KCNJ15: variants seen among roughly 807,000 people sequenced by gnomAD.
KCNJ15 encodes ATP-sensitive inward rectifier potassium channel 15.
Under a neutral mutation model 23.0 loss-of-function variants are expected in KCNJ15, and 14 were observed. The observed-to-expected ratio is 0.61, with a 90% confidence interval of 0.40 to 0.95. The LOEUF (loss-of-function observed/expected upper bound fraction) is 0.95. KCNJ15 is among the 40% of genes least tolerant of loss of function. KCNJ15 has a pLI of 0.00. For synonymous variants in KCNJ15, 185 were observed against 183.2 expected (o/e 1.01, Z -0.08); for missense variants, 388 against 461.8 (o/e 0.84, Z 1.46).
chr21:38,278,952 CTA>C (rs566131105), intron 1 of KCNJ15, among the ~76,000 whole-genome samples: 8 of 152,100 alleles, frequency 5.3e-5, no homozygotes, highest in Non-Finnish European at 1.0e-4. Context: ...ATGAAGGATG[CTA>C]TAGAGAGAGG....
At chr21:38,241,237 C>T (rs1978972321) in intron 1 of KCNJ15, among the ~76,000 whole-genome samples, 2 of 152,190 alleles carry the variant, frequency 1.3e-5, no homozygotes, top group African/African-American at 2.4e-5. Flanking sequence ...GTCTGGTTTG[C>T]GCTTTGGTAA....
chr21:38,261,961 A>G (rs556942070), intron 1 of KCNJ15, among the ~76,000 whole-genome samples: 2 of 152,272 alleles, frequency 1.3e-5, no homozygotes, highest in South Asian at 4.1e-4. Flanking sequence ...TAATTGTGTC[A>G]TTTCTTGGTA....
At chr21:38,259,808 G>C (rs1025459212) in intron 1 of KCNJ15, among the ~76,000 whole-genome samples, 3 of 152,152 alleles carry the variant, frequency 2.0e-5, no homozygotes, top group Non-Finnish European at 4.4e-5. Context: ...TGCCCCTCAA[G>C]GATGCAGTGC....
At chr21:38,295,116 T>C (rs1050210212) in intron 1 of KCNJ15, among the ~76,000 whole-genome samples, 2 of 152,372 alleles carry the variant, frequency 1.3e-5, no homozygotes, top group East Asian at 3.9e-4. Context: ...CTGCAATATT[T>C]ACCTGGAGAT....
upstream of KCNJ15, among the ~76,000 whole-genome samples, chr21:38,256,426 A>G (rs1045024428): frequency 6.7e-6 from 1 of 148,788 alleles, no homozygotes; most frequent in African/African-American, 2.5e-5. Flanking sequence ...TCAGCTCAAT[A>G]AAGGGGTTGA....
intron 1 of KCNJ15, among the ~76,000 whole-genome samples, chr21:38,250,485 G>C (rs1278184508): frequency 1.3e-5 from 2 of 152,142 alleles, no homozygotes; most frequent in African/African-American, 4.8e-5. Context: ...AACTAAACTT[G>C]GAAAAGGGTG....
intron 1 of KCNJ15, among the ~76,000 whole-genome samples, chr21:38,270,375 C>G (rs1981950436): frequency 6.6e-6 from 1 of 152,132 alleles, no homozygotes; most frequent in Non-Finnish European, 1.5e-5. Context: ...GCATGCAGCT[C>G]AGCATTTGTA....
In KCNJ15 at chr21:38,303,159, T is replaced by G. The variant is rs888775391; in HGVS notation, c.*2770T>G. ...CTTACCATTTTCCTGGAACCTTAAC[T>G]ATTATTACTTTGTACGTAATACTTT... On this transcript the variant is annotated 3_prime_UTR_variant, in exon 3 of 3. Coordinates refer to ENST00000398938, the MANE Select transcript of KCNJ15 (RefSeq NM_170736.3). 2.0e-5 allele frequency: 3 copies of G among 151,956 alleles called. No homozygotes were observed. Among genetic ancestry groups the G allele is most frequent in the African/African-American group, 7.2e-5 (3 of 41,394 alleles). 9.4% of individuals were successfully genotyped at this position (151,956 alleles called of 1,614,324 possible). A position where few individuals can be genotyped will look rare whatever the true frequency, so the allele number is the denominator to read the frequency against.
At chr21:38,241,248 G>C (rs111849213) in intron 1 of KCNJ15, among the ~76,000 whole-genome samples, 112 of 152,314 alleles carry the variant, frequency 7.4e-4, no homozygotes, top group African/African-American at 2.5e-3. Context: ...GCTTTGGTAA[G>C]ATTTTTCTTT....
At chr21:38,288,133 C>T (rs532042484) in intron 1 of KCNJ15, among the ~76,000 whole-genome samples, 26 of 146,168 alleles carry the variant, frequency 1.8e-4, no homozygotes, top group South Asian at 6.6e-4. Context: ...CTCCACTTCC[C>T]GGGTTCACGC....
Position 38,288,026 on chromosome 21 carries a change from CTTTGTTTTTTTTTTT to C in KCNJ15, c.-116-8896_-116-8882del, listed in dbSNP as rs1371273606. On this transcript the variant is annotated intron_variant, in intron 1 of 2. Transcript: ENST00000398938. ...CCATTGTTAAATAACTTGTTTTTTTCTTTGTTTTTTTTTTTTTTTTTTTTTTTTTTTTGAGATGGA... is the reference window on the plus strand; with the variant it reads ...CCATTGTTAAATAACTTGTTTTTTTCTTTTTTTTTTTTTTTTTGAGATGGA... Among the ~76,000 whole-genome samples, 7 of 78,206 alleles carry C rather than the reference CTTTGTTTTTTTTTTT, an allele frequency of 9.0e-5. 2 individuals carry two copies. The highest frequency in any genetic ancestry group is 0.023 in the Middle Eastern group (2 of 88). The allele number at this position is 78,206 out of a possible 152,430, so 51.3% of individuals were successfully genotyped here.
intron 2 of KCNJ15, among the ~76,000 whole-genome samples, chr21:38,298,501 T>G (rs1333411002): frequency 6.6e-6 from 1 of 152,210 alleles, no homozygotes; most frequent in Non-Finnish European, 1.5e-5. Context: ...TTATTTGCTT[T>G]AAGAATGTTT....
At chr21:38,239,678 C>T (rs1255558997) in intron 1 of KCNJ15, among the ~76,000 whole-genome samples, 1 of 152,204 alleles carries the variant, frequency 6.6e-6, no homozygotes, top group African/African-American at 2.4e-5. Context: ...TACGAGAAAT[C>T]GTAGGTCTGC....
intron 2 of KCNJ15, among the ~76,000 whole-genome samples, chr21:38,297,446 T>G (rs9983817): frequency 0.77 from 117,128 of 152,138 alleles, 45,454 homozygotes; most frequent in African/African-American, 0.87. Flanking sequence ...GAAAACTTAA[T>G]CCTCTGTTTT....
rs1391988663 is a variant in KCNJ15, at chr21:38,305,860, G to C, written c.*5471G>C. The stretch of plus-strand genomic sequence containing the variant: ...GGAGTTTATGATATTCATACAACTA[G>C]TAGTAGAGTCAGGGAGTATTCCAGA... On this transcript the variant is annotated 3_prime_UTR_variant, in exon 3 of 3. Coordinates refer to ENST00000398938, the MANE Select transcript of KCNJ15 (RefSeq NM_170736.3). The C allele has an allele frequency of 6.6e-6, 1 of 152,196 alleles. No individual in the cohort carries two copies. The highest frequency in any genetic ancestry group is 1.5e-5 in the Non-Finnish European group (1 of 68,032). 9.4% of individuals were successfully genotyped at this position (152,196 alleles called of 1,614,324 possible).
At chr21:38,247,363 T>G (rs949832368) in intron 1 of KCNJ15, among the ~76,000 whole-genome samples, 1 of 151,766 alleles carries the variant, frequency 6.6e-6, no homozygotes, top group African/African-American at 2.4e-5. Flanking sequence ...GATGGATGGA[T>G]GGATGGATGG....
At chr21:38,263,429 C>T (rs1981133010) in intron 1 of KCNJ15, among the ~76,000 whole-genome samples, 1 of 152,200 alleles carries the variant, frequency 6.6e-6, no homozygotes, top group Non-Finnish European at 1.5e-5. Context: ...GGTCTGCACT[C>T]AAATAGGTTC....
chr21:38,275,870 C>T (rs1201476898), intron 1 of KCNJ15, among the ~76,000 whole-genome samples: 1 of 152,114 alleles, frequency 6.6e-6, no homozygotes, highest in Non-Finnish European at 1.5e-5. Context: ...CTACAGAAAA[C>T]ACATGATAAC....
At chr21:38,247,526 A>G (rs1237645443) in intron 1 of KCNJ15, among the ~76,000 whole-genome samples, 9 of 19,680 alleles carry the variant, frequency 4.6e-4, no homozygotes, top group African/African-American at 2.0e-3. Context: ...GCATAGGTGG[A>G]TGGATGGATG....
Sources: allele counts gnomAD v4.1 joint callset (sites outside exome capture counted in the v4.1 genomes callset), GRCh38; gene constraint gnomAD v4.1.1; transcripts MANE v1.5; gene names NCBI Gene and HGNC (gene_info 2026-07-23, HGNC 2026-07-21).